The following NEK11 variants were observed in gnomAD, a reference collection of about 807,000 sequenced individuals.
NEK11 encodes the protein NIMA related kinase 11.
A neutral mutation model predicts 80.7 loss-of-function variants in NEK11; 72 were observed. The observed-to-expected ratio is 0.89, with a 90% confidence interval of 0.74 to 1.08. The LOEUF (loss-of-function observed/expected upper bound fraction) is 1.08, where lower values mean the gene tolerates loss of function less well. NEK11 is among the 50% of genes least tolerant of loss of function. The pLI, the probability that NEK11 is intolerant of heterozygous loss-of-function variation, is 0.00. For missense variants in NEK11, 764 were observed against 763.6 expected (o/e 1.00, Z -0.01); for synonymous variants, 251 against 260.7 (o/e 0.96, Z 0.36).
intron 14 of NEK11, among the ~76,000 whole-genome samples, chr3:131,191,120 C>T (rs1301192829): frequency 6.6e-6 from 1 of 152,126 alleles, no homozygotes; most frequent in East Asian, 1.9e-4. Flanking sequence ...TACTCAGTTT[C>T]AGTTTTTTCT....
Position 131,282,559 on chromosome 3 carries a change from G to A in NEK11, c.1718+8985G>A, listed in dbSNP as rs530360044. Among the ~76,000 whole-genome samples, 211 of 152,270 alleles carry A rather than the reference G, an allele frequency of 1.4e-3. 1 individual carries two copies. Among genetic ancestry groups the A allele is most frequent in the African/African-American group, 4.7e-3 (197 of 41,544 alleles). ...AGCACAGCCCTGGTATAGTGCTGCCGTGAGGGCTGAAGTCAACTATTTAGA... is the reference window on the plus strand; with the variant it reads ...AGCACAGCCCTGGTATAGTGCTGCCATGAGGGCTGAAGTCAACTATTTAGA... On this transcript the variant is annotated intron_variant, in intron 17 of 17. Coordinates refer to ENST00000383366, the MANE Select transcript of NEK11 (RefSeq NM_024800.5).
At chr3:131,152,202 G>GTT (rs372446615) in intron 7 of NEK11, among the ~76,000 whole-genome samples, 186 bp from the exon 8 acceptor site, 81 of 145,630 alleles carry the variant, frequency 5.6e-4, no homozygotes, top group African/African-American at 1.9e-3. Context: ...CACTTTTTTG[G>GTT]TTTTTTTTTT....
intron 4 of NEK11, among the ~76,000 whole-genome samples, chr3:131,090,614 A>G (rs1421110495): frequency 1.3e-5 from 2 of 152,254 alleles, no homozygotes; most frequent in Non-Finnish European, 2.9e-5. Flanking sequence ...GACAGCTTAG[A>G]GAAAGAAAGT....
chr3:131,167,661 T>A (rs1007190790), intron 12 of NEK11, among the ~76,000 whole-genome samples: 3 of 152,142 alleles, frequency 2.0e-5, no homozygotes, highest in African/African-American at 7.2e-5. Flanking sequence ...CAAAAAATGT[T>A]CTTATGCATA....
In NEK11 at chr3:131,170,814, G is replaced by A. The variant is rs1414105203; in HGVS notation, c.1326G>A (p.Gln442=). The A allele has an allele frequency of 1.9e-6, 3 of 1,614,110 alleles. No individual in the cohort carries two copies. Among genetic ancestry groups the A allele is most frequent in the South Asian group, 2.2e-5 (2 of 91,066 alleles). ...CTTTAGAGAACCTGCCTGAGTCTCAGCCTATTCCTTCCATGGACCTCCACG... is the reference window on the plus strand; with the variant it reads ...CTTTAGAGAACCTGCCTGAGTCTCAACCTATTCCTTCCATGGACCTCCACG... ...EPTLENLPES[Q]PIPSMDLHEL... is the part of the protein sequence containing the mutation. Residue 442 remains glutamine, a synonymous_variant, in exon 14 of 18, where the codon CAG becomes CAA. Coordinates refer to ENST00000383366, the MANE Select transcript of NEK11 (RefSeq NM_024800.5).
At chr3:131,215,360 C>T (rs994784601) in intron 14 of NEK11, among the ~76,000 whole-genome samples, 10 of 151,720 alleles carry the variant, frequency 6.6e-5, no homozygotes, top group Admixed American at 1.3e-4. Flanking sequence ...CAACATGGCA[C>T]ACGTATACAT....
chr3:131,333,534 C>G (rs1465017411), intron 17 of NEK11, among the ~76,000 whole-genome samples: 1 of 152,092 alleles, frequency 6.6e-6, no homozygotes, highest in African/African-American at 2.4e-5. Context: ...TAAAGACCAT[C>G]GAGGCTAGGA....
intron 2 of NEK11, among the ~76,000 whole-genome samples, chr3:131,028,381 A>G (rs541752336): frequency 1.3e-5 from 2 of 152,322 alleles, no homozygotes; most frequent in South Asian, 2.1e-4. Flanking sequence ...ATTGTTGAAT[A>G]TGAAAACCTA....
intron 9 of NEK11, among the ~76,000 whole-genome samples, chr3:131,153,683 G>A (rs1477689557): frequency 2.6e-5 from 4 of 152,182 alleles, no homozygotes; most frequent in Non-Finnish European, 4.4e-5. Context: ...GATAAATGAT[G>A]TGTACTTATT....
chr3:131,294,983 T>C (rs1037031830), intron 17 of NEK11, among the ~76,000 whole-genome samples: 2 of 152,170 alleles, frequency 1.3e-5, no homozygotes, highest in East Asian at 1.9e-4. Context: ...AGTGAGTTTC[T>C]CGTAATTAAC....
At chr3:131,155,697 A>G (rs2149847897) in intron 10 of NEK11, among the ~76,000 whole-genome samples, 1 of 152,292 alleles carries the variant, frequency 6.6e-6, no homozygotes, top group Non-Finnish European at 1.5e-5. Flanking sequence ...CTAGGTTCTT[A>G]TGTTCTGGAT....
intron 3 of NEK11, among the ~76,000 whole-genome samples, chr3:131,068,758 C>G (rs1375308679): frequency 6.6e-6 from 1 of 152,170 alleles, no homozygotes; most frequent in African/African-American, 2.4e-5. Context: ...GTAGATTCTC[C>G]TTTGATCTGT....
At chr3:131,086,938 T>C (rs2076056252) in intron 4 of NEK11, among the ~76,000 whole-genome samples, 1 of 152,220 alleles carries the variant, frequency 6.6e-6, no homozygotes, top group Admixed American at 6.5e-5. Flanking sequence ...TCTTTGTCCA[T>C]TTCCTTCAGC....
chr3:131,181,475 A>C (rs749824596), intron 14 of NEK11, among the ~76,000 whole-genome samples: 2 of 152,128 alleles, frequency 1.3e-5, no homozygotes, highest in East Asian at 3.9e-4. Context: ...GGCTGGGCGC[A>C]ATGGCTCACG....
chr3:131,070,978 A>G (rs1391240165), intron 3 of NEK11, among the ~76,000 whole-genome samples: 1 of 152,186 alleles, frequency 6.6e-6, no homozygotes, highest in East Asian at 1.9e-4. Context: ...CATAAAATCC[A>G]TTTCAAAACT....
At chr3:131,063,469 A>G (rs998438675) in intron 3 of NEK11, among the ~76,000 whole-genome samples, 2 of 152,182 alleles carry the variant, frequency 1.3e-5, no homozygotes, top group African/African-American at 4.8e-5. Context: ...TTGGAGGGCA[A>G]CTGTCCTTTT....
chr3:131,098,863 A>G (rs1312046308), intron 4 of NEK11, among the ~76,000 whole-genome samples: 3 of 151,316 alleles, frequency 2.0e-5, no homozygotes, highest in African/African-American at 7.3e-5. Flanking sequence ...ACTTCCTTAT[A>G]GATTCTGGAT....
Position 131,289,665 on chromosome 3 carries a change from T to C in NEK11, c.1718+16091T>C, listed in dbSNP as rs552091904. On this transcript the variant is annotated intron_variant, in intron 17 of 17. Coordinates refer to ENST00000383366, the MANE Select transcript of NEK11 (RefSeq NM_024800.5). ...GCCTTATGCTCTCCCATTAGAAATT[T>C]TTGTCCACTCCTGTGCCTAGGTCTC... Among the ~76,000 whole-genome samples, 3 of 152,246 alleles carry C rather than the reference T, an allele frequency of 2.0e-5. No homozygotes were observed. The East Asian group carries it at 5.8e-4, about 29-fold the overall frequency.
At chr3:131,236,805 TG>T (rs1484106303) in intron 15 of NEK11, among the ~76,000 whole-genome samples, 1 of 152,256 alleles carries the variant, frequency 6.6e-6, no homozygotes, top group African/African-American at 2.4e-5. Flanking sequence ...CCATCAGCTC[TG>T]TCCTATGGCT....
Sources: gnomAD v4.1 joint callset for allele counts (sites outside exome capture counted in the v4.1 genomes callset) on GRCh38, gnomAD v4.1.1 for gene constraint, MANE v1.5 for transcripts, NCBI Gene and HGNC (gene_info 2026-07-23, HGNC 2026-07-21) for gene names.